GTF2F2: variants seen among roughly 807,000 people sequenced by gnomAD.
GTF2F2 encodes ATP-dependent helicase GTF2F2.
Under a neutral mutation model 42.2 loss-of-function variants are expected in GTF2F2, and 23 were observed. The ratio of observed to expected loss-of-function variants is 0.55; its 90% confidence interval spans 0.39 to 0.77. GTF2F2 has a LOEUF of 0.77. Ranked by LOEUF, GTF2F2 falls within the 30% of genes least tolerant of loss-of-function variation. The pLI, the probability that GTF2F2 is intolerant of heterozygous loss-of-function variation, is 0.00. For missense variants in GTF2F2, 261 were observed against 287.2 expected, an observed-to-expected ratio of 0.91 and a Z score of 0.66; for synonymous variants, 105 against 100.8, an observed-to-expected ratio of 1.04 and a Z score of -0.25.
At chr13:45,176,090 G>A (rs1871864973) in intron 4 of GTF2F2, among the ~76,000 whole-genome samples, 1 of 152,122 alleles carries the variant, frequency 6.6e-6, no homozygotes, top group Non-Finnish European at 1.5e-5. Context: ...TTTGTTTACT[G>A]CAGTTTACTC....
chr13:45,175,476 A>G (rs921929928), intron 4 of GTF2F2, among the ~76,000 whole-genome samples: 3 of 152,198 alleles, frequency 2.0e-5, no homozygotes, highest in South Asian at 2.1e-4. Context: ...TTGCTGGATC[A>G]TATGGTTGTT....
intron 5 of GTF2F2, among the ~76,000 whole-genome samples, chr13:45,209,455 G>A (rs1873546616): frequency 6.6e-6 from 1 of 152,156 alleles, no homozygotes; most frequent in Non-Finnish European, 1.5e-5. Context: ...AAGTGACTTA[G>A]AAAAAGAAAC....
rs112890606 is a variant in GTF2F2, at chr13:45,246,557, T to C, written c.387-6314T>C. On this transcript the variant is annotated intron_variant, in intron 5 of 7. Transcript: ENST00000340473. ...GTACAGTAGCTTTCCTAGTCAGTGA[T>C]GTCCATTTTTGCCCCATTCTATTCT... Among the ~76,000 whole-genome samples the C allele has an allele frequency of 2.2e-3, 332 of 152,364 alleles. 3 individuals carry two copies. Among genetic ancestry groups the C allele is most frequent in the African/African-American group, 7.5e-3 (314 of 41,592 alleles).
At chr13:45,214,028 C>T (rs933440582) in intron 5 of GTF2F2, among the ~76,000 whole-genome samples, 3 of 152,114 alleles carry the variant, frequency 2.0e-5, no homozygotes, top group Non-Finnish European at 2.9e-5. Flanking sequence ...GTCAATGAGT[C>T]GCTTTTCTTT....
chr13:45,145,702 T>C (rs1870156759), intron 2 of GTF2F2, among the ~76,000 whole-genome samples: 2 of 152,358 alleles, frequency 1.3e-5, no homozygotes, highest in East Asian at 3.9e-4. Flanking sequence ...CTTAATATAG[T>C]TACTTATTTG....
chr13:45,206,775 C>G (rs1873431259), intron 4 of GTF2F2: 1 of 152,184 alleles, frequency 6.6e-6, no homozygotes, highest in Admixed American at 6.5e-5. Flanking sequence ...ATAAGAATTA[C>G]TAAGGATAGG....
At chr13:45,240,801 C>CTTGTCACCGTTGT (rs1362574688) in intron 5 of GTF2F2, among the ~76,000 whole-genome samples, 2 of 151,440 alleles carry the variant, frequency 1.3e-5, no homozygotes, top group African/African-American at 2.4e-5. Context: ...GTACTCCAGC[C>CTTGTCACCGTTGT]TGGGTGACAA....
intron 4 of GTF2F2, among the ~76,000 whole-genome samples, chr13:45,190,402 T>G (rs1256474220): frequency 6.6e-6 from 1 of 152,228 alleles, no homozygotes; most frequent in Non-Finnish European, 1.5e-5. Flanking sequence ...TGTGAATGCC[T>G]GTTTTCTGCC....
chr13:45,201,521 T>A (rs1021104802), intron 4 of GTF2F2, among the ~76,000 whole-genome samples: 2 of 152,186 alleles, frequency 1.3e-5, no homozygotes, highest in Non-Finnish European at 2.9e-5. Flanking sequence ...AGATGTAAAA[T>A]AACTTCTCCA....
chr13:45,217,580 G>A (rs1358319081), intron 5 of GTF2F2, among the ~76,000 whole-genome samples: 1 of 152,140 alleles, frequency 6.6e-6, no homozygotes, highest in African/African-American at 2.4e-5. Flanking sequence ...TTAAAGTTAA[G>A]GATTTATAGT....
chr13:45,274,383 G>A (rs955996815), intron 7 of GTF2F2, among the ~76,000 whole-genome samples: 1 of 137,518 alleles, frequency 7.3e-6, no homozygotes, highest in Non-Finnish European at 1.5e-5. Context: ...CTGGAGTGCA[G>A]TGACGCAGTC....
chr13:45,206,844 T>C (rs1224791475), intron 4 of GTF2F2: 1 of 152,246 alleles, frequency 6.6e-6, no homozygotes, highest in Non-Finnish European at 1.5e-5. Context: ...TGTTTTGACA[T>C]GCCCAGATTT....
intron 5 of GTF2F2, among the ~76,000 whole-genome samples, chr13:45,209,784 C>T (rs774308526): frequency 5.3e-5 from 8 of 152,164 alleles, no homozygotes; most frequent in African/African-American, 1.7e-4. Flanking sequence ...CCGCAAAACC[C>T]GCTCTACTAG....
At chr13:45,134,675 A>T (rs1202238329) in intron 1 of GTF2F2, among the ~76,000 whole-genome samples, 1 of 152,098 alleles carries the variant, frequency 6.6e-6, no homozygotes, top group Non-Finnish European at 1.5e-5. Flanking sequence ...TGAGATATGG[A>T]ATCTTCAAAA....
At chr13:45,193,828 C>A in intron 4 of GTF2F2, 1 of 1,608,718 alleles carries the variant, frequency 6.2e-7, no homozygotes, top group South Asian at 1.1e-5. Context: ...AACAATTGAC[C>A]CTTTGGAACA....
Position 45,212,000 on chromosome 13 carries a change from G to A in GTF2F2, c.386+4495G>A, listed in dbSNP as rs191717808. Among the ~76,000 whole-genome samples, 325 of 151,852 alleles carry A rather than the reference G, an allele frequency of 2.1e-3. 4 individuals are homozygous for A. The highest frequency in any genetic ancestry group is 7.4e-3 in the African/African-American group (306 of 41,408). On this transcript the variant is annotated intron_variant, in intron 5 of 7. Coordinates refer to ENST00000340473, the MANE Select transcript of GTF2F2 (RefSeq NM_004128.3). Reference sequence around the variant, plus strand: ...ACACACACCACACCCCCACATATGCGCACGCACACACACAGTTACCCTACT... The same window carrying A: ...ACACACACCACACCCCCACATATGCACACGCACACACACAGTTACCCTACT...
At chr13:45,259,869 C>T (rs993177978) in intron 6 of GTF2F2, among the ~76,000 whole-genome samples, 5 of 151,920 alleles carry the variant, frequency 3.3e-5, no homozygotes, top group African/African-American at 4.8e-5. Context: ...GGATTATAGG[C>T]GTGAGCCACT....
chr13:45,191,367 A>G (rs78135471), intron 4 of GTF2F2, among the ~76,000 whole-genome samples: 2,513 of 150,322 alleles, frequency 0.017, 73 homozygotes, highest in African/African-American at 0.059. Flanking sequence ...CTTTTTTATT[A>G]CCTTTCTTTT....
chr13:45,179,244 A>G (rs1010358339), intron 4 of GTF2F2, among the ~76,000 whole-genome samples: 8 of 152,188 alleles, frequency 5.3e-5, no homozygotes, highest in Admixed American at 2.0e-4. Context: ...GTTTTCAGTC[A>G]TCTTCAGAGA....
Sources: gnomAD v4.1 joint callset for allele counts (sites outside exome capture counted in the v4.1 genomes callset) on GRCh38, gnomAD v4.1.1 for gene constraint, MANE v1.5 for transcripts, NCBI Gene and HGNC (gene_info 2026-07-23, HGNC 2026-07-21) for gene names.